HAUS1: variants seen among roughly 807,000 people sequenced by gnomAD.
HAUS1 encodes the protein HAUS augmin like complex subunit 1.
Under a neutral mutation model 38.6 loss-of-function variants are expected in HAUS1, and 25 were observed. The ratio of observed to expected loss-of-function variants is 0.65; its 90% CI spans 0.47 to 0.91. The LOEUF is 0.91. HAUS1 is among the 40% of genes least tolerant of loss of function. The pLI is 0.00. For synonymous variants in HAUS1, 109 were observed against 112.9 expected (o/e 0.97, Z 0.22); for missense variants, 325 against 328.4 (o/e 0.99, Z 0.08).
In HAUS1 at chr18:46,124,429, A is replaced by AG. The variant is rs1234371715; in HGVS notation, c.667-393_667-392insG. On this transcript the variant is annotated intron_variant, in intron 6 of 8. Coordinates refer to ENST00000282058, the MANE Select transcript of HAUS1 (RefSeq NM_138443.4). ...AAGACTCTATCTCAAAAAAAAAAAA[A>AG]AAAAAAATTAGCCAGGCATGGTGGT... Among the ~76,000 whole-genome samples the AG allele has an allele frequency of 2.1e-4, 31 of 144,480 alleles. No homozygotes were observed. In the South Asian group the frequency reaches 6.0e-3, roughly 28 times the overall value. 94.8% of individuals were successfully genotyped at this position (144,480 alleles called of 152,430 possible). A position where few individuals can be genotyped will look rare whatever the true frequency, so the allele number is the denominator to read the frequency against.
intron 4 of HAUS1, among the ~76,000 whole-genome samples, chr18:46,121,326 ATTACAG>A (rs1911936916): frequency 6.6e-6 from 1 of 151,852 alleles, no homozygotes; most frequent in African/African-American, 2.4e-5. Flanking sequence ...AGTAGCTGGG[ATTACAG>A]GCACCTGCCA....
chr18:46,127,637 C>CAGAG (rs1404437284), intron 8 of HAUS1, among the ~76,000 whole-genome samples: 2 of 148,056 alleles, frequency 1.4e-5, no homozygotes, highest in South Asian at 2.1e-4. Context: ...ACCCGGGAAG[C>CAGAG]AGAGATTGCA....
rs759469447 is a variant in HAUS1 at position 46,122,579 on chromosome 18, A to C, written c.589A>C (p.Lys197Gln). 6.2e-7 allele frequency: 1 copy of C among 1,614,196 alleles called. No homozygotes were observed. The highest frequency in any genetic ancestry group is 8.5e-7 in the Non-Finnish European group (1 of 1,180,020). The change falls in exon 5 of 9, where the codon AAG (lysine) becomes CAG (glutamine). Residue 197 changes from lysine to glutamine, a missense_variant. Physicochemically the swap from Lys to Gln is moderately conservative, Grantham distance 53 (BLOSUM62 1). Transcript: ENST00000282058. ...AKSEEFRFGI[K>Q]AAEEQLSARG... ...GTCAGAGGAATTCAGATTTGGAATC[A>C]AGGCTGCAGAGGTTTGTATGAAGGA... is the stretch of plus-strand genomic sequence containing the variant.
intron 6 of HAUS1, among the ~76,000 whole-genome samples, chr18:46,123,836 T>A (rs1912020323): frequency 6.6e-6 from 1 of 152,214 alleles, no homozygotes; most frequent in Non-Finnish European, 1.5e-5. Context: ...CATACTTTGT[T>A]CTTGGAATCT....
At chr18:46,122,823 G>A (rs1911982529) in intron 5 of HAUS1, among the ~76,000 whole-genome samples, 1 of 152,208 alleles carries the variant, frequency 6.6e-6, no homozygotes, top group Non-Finnish European at 1.5e-5. Flanking sequence ...AAATGCGTGA[G>A]TGTGGAAAGG....
In HAUS1 at chr18:46,122,470, T is replaced by A. The variant is rs750201250; in HGVS notation, c.480T>A (p.Asp160Glu). The stretch of plus-strand genomic sequence containing the variant: ...TTTTTAATTTTGCTTTTTAAAGGGA[T>A]GTCAAGAAAGCAGAGTTGCATCTGT... Reference protein sequence around the residue: ...TLVLEKCLQEDVKKAELHLST... With the variant: ...TLVLEKCLQEEVKKAELHLST... Residue 160 changes from aspartate to glutamate, a missense_variant, in exon 5 of 9, where the codon GAT becomes GAA. Transcript: ENST00000282058. The A allele has an allele frequency of 2.5e-6, 4 of 1,613,282 alleles. No homozygotes were observed. In the Admixed American group the frequency reaches 6.7e-5, roughly 27 times the overall value.
At chr18:46,107,555 CCTT>C (rs1408406576) in intron 2 of HAUS1, among the ~76,000 whole-genome samples, 1 of 152,082 alleles carries the variant, frequency 6.6e-6, no homozygotes, top group African/African-American at 2.4e-5. Context: ...CTAAGTTTTT[CCTT>C]CTTTTATACA....
At chr18:46,122,368 C>A in intron 4 of HAUS1, 99 bp from the exon 5 acceptor site, 1 of 1,277,362 alleles carries the variant, frequency 7.8e-7, no homozygotes, top group Non-Finnish European at 1.1e-6. Context: ...CAACTCTTGG[C>A]CAAGCCAGCA....
At position 46,126,745 on chromosome 18, in the gene HAUS1, C is replaced by T. The variant is rs185026733; in HGVS notation, c.786+954C>T. On this transcript the variant is annotated intron_variant, in intron 8 of 8. Coordinates refer to ENST00000282058, the MANE Select transcript of HAUS1 (RefSeq NM_138443.4). ...GTTCAAGCAATTCTCATGCCTCAGCCTCCTGAGCAGCTGGGATTACAGGTG... is the reference window on the plus strand; with the variant it reads ...GTTCAAGCAATTCTCATGCCTCAGCTTCCTGAGCAGCTGGGATTACAGGTG... 4 of 152,172 alleles carry T rather than the reference C, an allele frequency of 2.6e-5. No individual in the cohort carries two copies. In the East Asian group the frequency reaches 7.7e-4, roughly 29 times the overall value. 9.4% of individuals were successfully genotyped at this position (152,172 alleles called of 1,614,324 possible). A position where few individuals can be genotyped will look rare whatever the true frequency, so the allele number is the denominator to read the frequency against.
intron 2 of HAUS1, 31 bp from the exon 3 acceptor site, chr18:46,118,148 AAC>A (rs1372902547): frequency 6.2e-7 from 1 of 1,606,294 alleles, no homozygotes; most frequent in Admixed American, 1.7e-5. Flanking sequence ...TAAAAAAGCA[AAC>A]AGTCACTATG....
At chr18:46,124,970 T>A in intron 7 of HAUS1, 77 bp downstream of exon 7, 1 of 846,178 alleles carries the variant, frequency 1.2e-6, no homozygotes, top group South Asian at 1.5e-5. Context: ...ATGAAAATAG[T>A]GTGTTTAGGC....
In HAUS1 at chr18:46,119,906, T is replaced by G; in HGVS notation, c.342-20T>G. 1 of 1,565,026 alleles carries G rather than the reference T, an allele frequency of 6.4e-7. No individual in the cohort carries two copies. Among genetic ancestry groups the G allele is most frequent in the Non-Finnish European group, 8.6e-7 (1 of 1,162,676 alleles). ...TTATTGCCCATTAAGCCCATGTATA[T>G]GACCAGATTCTTCTTTTAGTTTTAT... On this transcript the variant is annotated intron_variant, in intron 3 of 8. Transcript: ENST00000282058.
At chr18:46,110,901 T>C (rs1382089080) in intron 2 of HAUS1, among the ~76,000 whole-genome samples, 6 of 149,960 alleles carry the variant, frequency 4.0e-5, no homozygotes, top group African/African-American at 1.5e-4. Flanking sequence ...TTTTTTTTTT[T>C]TTTGAGACGG....
At chr18:46,108,843 G>A (rs1307379265) in intron 2 of HAUS1, among the ~76,000 whole-genome samples, 4 of 151,984 alleles carry the variant, frequency 2.6e-5, no homozygotes, top group African/African-American at 7.3e-5. Context: ...AGGCCGAGGC[G>A]GGCGGATCAC....
At chr18:46,119,646 G>T (rs1023776248) in intron 3 of HAUS1, among the ~76,000 whole-genome samples, 1 of 152,172 alleles carries the variant, frequency 6.6e-6, no homozygotes, top group Admixed American at 6.6e-5. Context: ...AGCTGTAACA[G>T]TAAAAGTATG....
chr18:46,110,747 TTC>T (rs1911609166), intron 2 of HAUS1, among the ~76,000 whole-genome samples: 3 of 152,268 alleles, frequency 2.0e-5, no homozygotes, highest in African/African-American at 7.2e-5. Flanking sequence ...GAAGATTTTT[TTC>T]TGTTTGAGCA....
intron 2 of HAUS1, among the ~76,000 whole-genome samples, chr18:46,115,458 CAAAAAAAAA>C (rs35249053): frequency 1.8e-5 from 2 of 108,858 alleles, no homozygotes; most frequent in Non-Finnish European, 3.7e-5. Context: ...GACTGCATCT[CAAAAAAAAA>C]AAAAAAAAAA....
intron 5 of HAUS1, 113 bp downstream of exon 5, chr18:46,122,703 T>A: frequency 8.3e-7 from 1 of 1,203,252 alleles, no homozygotes; most frequent in Admixed American, 2.4e-5. Context: ...TATAGAGAAG[T>A]TGGTAAGTTG....
chr18:46,127,080 C>T (rs1417496653), intron 8 of HAUS1, among the ~76,000 whole-genome samples: 4 of 151,460 alleles, frequency 2.6e-5, no homozygotes, highest in African/African-American at 7.3e-5. Flanking sequence ...GTGATCCACC[C>T]GCCTCAGCCT....
Sources: allele counts gnomAD v4.1 joint callset (sites outside exome capture counted in the v4.1 genomes callset), GRCh38; gene constraint gnomAD v4.1.1; transcripts MANE v1.5; gene names NCBI Gene and HGNC (gene_info 2026-07-23, HGNC 2026-07-21).